The following CD53 variants were observed in gnomAD, a reference collection of about 807,000 sequenced individuals.
CD53 encodes the protein leukocyte surface antigen CD53.
A neutral mutation model predicts 27.3 loss-of-function variants in CD53; 20 were observed. The observed-to-expected ratio is 0.73, with a 90% CI of 0.52 to 1.07. CD53 has a LOEUF of 1.07. Ranked by LOEUF, CD53 falls within the 50% of genes least tolerant of loss-of-function variation. The pLI, the probability that CD53 is intolerant of heterozygous loss-of-function variation, is 0.00. For synonymous variants in CD53, 106 were observed against 105.3 expected, an observed-to-expected ratio of 1.01 and a Z score of -0.04; for missense variants, 216 against 264.0, an observed-to-expected ratio of 0.82 and a Z score of 1.26.
At chr1:110,892,172 T>G (rs1395343804) in intron 2 of CD53, among the ~76,000 whole-genome samples, 173 bp from the exon 3 acceptor site, 1 of 152,210 alleles carries the variant, frequency 6.6e-6, no homozygotes, top group Non-Finnish European at 1.5e-5. Context: ...ATGAGAAAGC[T>G]GAGATTGCCT....
intron 1 of CD53, among the ~76,000 whole-genome samples, chr1:110,886,597 C>T (rs553979816): frequency 6.6e-5 from 10 of 152,038 alleles, no homozygotes; most frequent in African/African-American, 2.2e-4. Context: ...ACCTGTAATC[C>T]CAGCACTTTG....
intron 1 of CD53, among the ~76,000 whole-genome samples, chr1:110,880,612 A>G (rs1422662522): frequency 2.0e-5 from 3 of 152,082 alleles, no homozygotes; most frequent in Non-Finnish European, 4.4e-5. Flanking sequence ...TTATTTTCCT[A>G]TGTCCAAAAC....
intron 1 of CD53, among the ~76,000 whole-genome samples, chr1:110,884,829 C>A (rs115376640): frequency 7.8e-6 from 1 of 128,886 alleles, no homozygotes; most frequent in Non-Finnish European, 1.6e-5. Context: ...AAAATGTATT[C>A]GCTTCTTTAT....
At position 110,899,146 on chromosome 1, in the gene CD53, T is replaced by C. The variant is rs1657195147; in HGVS notation, c.611T>C (p.Leu204Pro). 1 of 1,613,842 alleles carries C rather than the reference T, an allele frequency of 6.2e-7. No homozygotes were observed. The highest frequency in any genetic ancestry group is 1.7e-5 in the Admixed American group (1 of 59,998). Residue 204 changes from leucine (L) to proline (P), a missense_variant, in exon 8 of 8, where the codon CTG (leucine) becomes CCG (proline). By Grantham distance (98) the Leu-to-Pro change is moderately conservative. Coordinates refer to ENST00000271324, the MANE Select transcript of CD53 (RefSeq NM_000560.4). ...CAGGTGTTGGGGATGTCCTTTGCAC[T>C]GACCCTGAACTGCCAGATTGACAAA... Reference protein sequence around the residue: ...VIEVLGMSFALTLNCQIDKTS... With the variant: ...VIEVLGMSFAPTLNCQIDKTS...
intron 1 of CD53, among the ~76,000 whole-genome samples, chr1:110,881,729 T>G (rs1244507803): frequency 6.6e-6 from 1 of 152,196 alleles, no homozygotes. Context: ...CCACCAACAG[T>G]GTATAAGAGT....
At chr1:110,876,299 T>C (rs532357484) in intron 1 of CD53, among the ~76,000 whole-genome samples, 49 of 152,330 alleles carry the variant, frequency 3.2e-4, no homozygotes, top group African/African-American at 1.2e-3. Flanking sequence ...CATTATACTA[T>C]AGTCCCTTTT....
intron 3 of CD53, 110 bp downstream of exon 3, chr1:110,892,643 A>G: frequency 1.1e-6 from 1 of 917,400 alleles, no homozygotes; most frequent in African/African-American, 1.7e-5. Flanking sequence ...TCATAGGAAA[A>G]TGAGATTGGT....
In CD53 at chr1:110,895,033, C is replaced by T. The variant is rs1026186673; in HGVS notation, c.401C>T (p.Ala134Val). ...CACTCAGACAATAGCACCAAGGCAG[C>T]GTGGGACTCCATCCAGTCATTTGTG... ...RYHSDNSTKA[A>V]WDSIQSFLQC... The change falls in exon 5 of 8, where the codon GCG (alanine) becomes GTG (valine). Residue 134 changes from alanine to valine, a missense_variant. Coordinates refer to ENST00000271324, the MANE Select transcript of CD53 (RefSeq NM_000560.4). The T allele has an allele frequency of 1.4e-5, 22 of 1,613,118 alleles. No individual in the cohort carries two copies. Among genetic ancestry groups the T allele is most frequent in the Non-Finnish European group, 1.6e-5 (19 of 1,179,260 alleles).
At position 110,877,118 on chromosome 1, in the gene CD53, G is replaced by A. The variant is rs115324549; in HGVS notation, c.-18+3870G>A. Among the ~76,000 whole-genome samples, 397 of 152,146 alleles carry A rather than the reference G, an allele frequency of 2.6e-3. 1 individual carries two copies. Among genetic ancestry groups the A allele is most frequent in the African/African-American group, 9.2e-3 (382 of 41,492 alleles). On this transcript the variant is annotated intron_variant, in intron 1 of 7. Coordinates refer to ENST00000271324, the MANE Select transcript of CD53 (RefSeq NM_000560.4). Reference sequence around the variant, plus strand: ...ATAGCAAAAGGAAATTTCTAGTCACGCATTGCCTTCAACTGTCACTTTTGT... The same window carrying A: ...ATAGCAAAAGGAAATTTCTAGTCACACATTGCCTTCAACTGTCACTTTTGT...
At chr1:110,895,457 G>A (rs1351521435) in intron 5 of CD53, among the ~76,000 whole-genome samples, 1 of 152,118 alleles carries the variant, frequency 6.6e-6, no homozygotes, top group Non-Finnish European at 1.5e-5. Flanking sequence ...CATTCCTCAT[G>A]TGCTGTTTCC....
intron 1 of CD53, among the ~76,000 whole-genome samples, chr1:110,890,585 G>A (rs569089967): frequency 6.7e-6 from 1 of 150,312 alleles, no homozygotes; most frequent in Non-Finnish European, 1.5e-5. Flanking sequence ...AAGAAAGAGA[G>A]AAAGAGAAAG....
At chr1:110,892,713 C>T (rs3790722) in intron 3 of CD53, 180 bp downstream of exon 3, 458,097 of 582,906 alleles carry the variant, frequency 0.79, 184,131 homozygotes, top group Middle Eastern at 0.85. Context: ...TAGGGTCCCA[C>T]GGACAGGTGA....
chr1:110,886,044 A>T (rs966987374), intron 1 of CD53, among the ~76,000 whole-genome samples: 23 of 152,046 alleles, frequency 1.5e-4, no homozygotes, highest in African/African-American at 5.3e-4. Context: ...TGTAGTATGG[A>T]TCTACTGATG....
chr1:110,891,710 C>T (rs570887144), intron 2 of CD53, among the ~76,000 whole-genome samples: 3 of 152,290 alleles, frequency 2.0e-5, no homozygotes, highest in East Asian at 3.9e-4. Context: ...TCTCTGAGGG[C>T]TTTAGTTTAC....
At chr1:110,890,006 C>T (rs1656789237) in intron 1 of CD53, among the ~76,000 whole-genome samples, 1 of 152,132 alleles carries the variant, frequency 6.6e-6, no homozygotes, top group Non-Finnish European at 1.5e-5. Flanking sequence ...GTGTTTACAA[C>T]AGAGAAATTC....
At chr1:110,886,336 C>T (rs952327597) in intron 1 of CD53, among the ~76,000 whole-genome samples, 2 of 152,004 alleles carry the variant, frequency 1.3e-5, no homozygotes, top group African/African-American at 2.4e-5. Flanking sequence ...CTTAGTGTAG[C>T]TTTCTTCATG....
chr1:110,880,411 C>T (rs1160412359), intron 1 of CD53: 1 of 152,054 alleles, frequency 6.6e-6, no homozygotes, highest in Non-Finnish European at 1.5e-5. Flanking sequence ...AGAGGTTCTT[C>T]TTCCTGTCTG....
intron 7 of CD53, 145 bp from the exon 8 acceptor site, chr1:110,898,979 C>T (rs2101071151): frequency 3.3e-6 from 2 of 610,254 alleles, no homozygotes; most frequent in East Asian, 5.7e-5. Flanking sequence ...AAGGAAAGAG[C>T]TCCTGAGAGA....
chr1:110,887,965 G>C (rs1656692872), intron 1 of CD53, among the ~76,000 whole-genome samples: 1 of 152,316 alleles, frequency 6.6e-6, no homozygotes, highest in East Asian at 1.9e-4. Context: ...GATTAGCCAG[G>C]TGGTTCTTAT....
Sources: gnomAD v4.1 joint callset for allele counts (sites outside exome capture counted in the v4.1 genomes callset) on GRCh38, gnomAD v4.1.1 for gene constraint, MANE v1.5 for transcripts, NCBI Gene and HGNC (gene_info 2026-07-23, HGNC 2026-07-21) for gene names.